RUNX2: variants seen among roughly 807,000 people sequenced by gnomAD.
RUNX2 encodes the protein runt-related transcription factor 2.
Under a neutral mutation model 51.7 loss-of-function variants are expected in RUNX2, and 10 were observed. The ratio of observed to expected loss-of-function variants is 0.19; its 90% CI spans 0.12 to 0.33. RUNX2 has a LOEUF of 0.33. Ranked by LOEUF, RUNX2 falls within the 10% of genes least tolerant of loss-of-function variation. The pLI is 1.00. For synonymous variants in RUNX2, 276 were observed against 273.6 expected, an observed-to-expected ratio of 1.01 and a Z score of -0.09; for missense variants, 562 against 691.3, an observed-to-expected ratio of 0.81 and a Z score of 2.10.
intron 6 of RUNX2, among the ~76,000 whole-genome samples, chr6:45,509,894 T>C (rs1801092136): frequency 6.6e-6 from 1 of 152,218 alleles, no homozygotes; most frequent in African/African-American, 2.4e-5. Context: ...CAGGAAGTCA[T>C]CTGGGGAAGT....
chr6:45,528,146 C>A (rs1028674397), intron 7 of RUNX2, among the ~76,000 whole-genome samples: 3 of 152,074 alleles, frequency 2.0e-5, no homozygotes, highest in Non-Finnish European at 4.4e-5. Flanking sequence ...ATGGAAGAGA[C>A]CCACCCCCAT....
chr6:45,516,708 T>G (rs1413661009), intron 7 of RUNX2, among the ~76,000 whole-genome samples: 1 of 152,248 alleles, frequency 6.6e-6, no homozygotes, highest in Admixed American at 6.5e-5. Context: ...AACCACTGCA[T>G]GTCTTTATAA....
chr6:45,436,575 G>T (rs1340882514), intron 4 of RUNX2, among the ~76,000 whole-genome samples: 1 of 151,856 alleles, frequency 6.6e-6, no homozygotes, highest in East Asian at 1.9e-4. Context: ...TTTTCCCCTT[G>T]GCTATAGAAA....
intron 2 of RUNX2, among the ~76,000 whole-genome samples, chr6:45,358,861 T>C (rs927704327): frequency 2.6e-5 from 4 of 152,136 alleles, no homozygotes; most frequent in African/African-American, 9.7e-5. Flanking sequence ...ATATATCAAT[T>C]ACAGCATGGA....
intron 2 of RUNX2, among the ~76,000 whole-genome samples, chr6:45,400,999 GTA>G (rs1403749395): frequency 6.6e-6 from 1 of 152,130 alleles, no homozygotes; most frequent in African/African-American, 2.4e-5. Flanking sequence ...TAGGTGGTAA[GTA>G]TATGAGTGTT....
intron 2 of RUNX2, among the ~76,000 whole-genome samples, chr6:45,343,689 C>A (rs747972018): frequency 3.9e-5 from 6 of 152,144 alleles, no homozygotes; most frequent in Non-Finnish European, 7.4e-5. Flanking sequence ...TGATGTCTCA[C>A]CACAAGCTTG....
chr6:45,427,393 C>G, intron 3 of RUNX2, among the ~76,000 whole-genome samples: 1 of 152,064 alleles, frequency 6.6e-6, no homozygotes, highest in Middle Eastern at 3.4e-3. Context: ...TTATCTTTGA[C>G]ATATATATTT....
chr6:45,550,266 AG>A lies in RUNX2; in HGVS notation c.*2962del, dbSNP rs1440146152. On this transcript the variant is annotated 3_prime_UTR_variant, in exon 9 of 9. Coordinates refer to ENST00000647337, the MANE Select transcript of RUNX2 (RefSeq NM_001024630.4). Reference sequence around the variant, plus strand: ...GAACAGGTACCACAGCTTTGGTTTTAGATTAGTGGAATAACATTCAGCCCAG... The same window carrying A: ...GAACAGGTACCACAGCTTTGGTTTTAATTAGTGGAATAACATTCAGCCCAG... The A allele has an allele frequency of 1.3e-5, 2 of 152,474 alleles. No homozygotes were observed. The highest frequency in any genetic ancestry group is 2.9e-5 in the Non-Finnish European group (2 of 68,036). 9.4% of individuals were successfully genotyped at this position (152,474 alleles called of 1,614,324 possible).
chr6:45,346,396 T>C (rs1431573933), intron 2 of RUNX2, among the ~76,000 whole-genome samples: 1 of 152,078 alleles, frequency 6.6e-6, no homozygotes, highest in Non-Finnish European at 1.5e-5. Context: ...CATGCCCTCC[T>C]GAGCAGCCCC....
chr6:45,502,304 TC>T (rs913482415), intron 6 of RUNX2, among the ~76,000 whole-genome samples: 55 of 152,204 alleles, frequency 3.6e-4, no homozygotes, highest in Admixed American at 1.3e-4. Context: ...TGTAAGATCA[TC>T]CTTTTTGATA....
intron 2 of RUNX2, among the ~76,000 whole-genome samples, chr6:45,355,050 C>CT (rs1256921669): frequency 3.3e-5 from 5 of 151,956 alleles, no homozygotes; most frequent in African/African-American, 9.7e-5. Flanking sequence ...TCACAGGTCA[C>CT]TGCAGACTCA....
intron 7 of RUNX2, among the ~76,000 whole-genome samples, chr6:45,538,179 G>T (rs530357313): frequency 6.6e-6 from 1 of 152,092 alleles, no homozygotes. Flanking sequence ...TACCACTAGC[G>T]CAGGCCACAG....
intron 2 of RUNX2, among the ~76,000 whole-genome samples, chr6:45,403,094 A>G (rs1797750013): frequency 6.6e-6 from 1 of 152,218 alleles, no homozygotes; most frequent in Non-Finnish European, 1.5e-5. Flanking sequence ...CAACAACCTT[A>G]TAATAAAGAT....
intron 5 of RUNX2, among the ~76,000 whole-genome samples, chr6:45,461,430 A>G (rs1458903373): frequency 6.6e-6 from 1 of 152,224 alleles, no homozygotes; most frequent in Non-Finnish European, 1.5e-5. Context: ...AGGGATGTAT[A>G]GAGGCAAAGA....
In RUNX2 at chr6:45,547,330, T is replaced by C; in HGVS notation, c.*25T>C. 2 of 1,549,278 alleles carry C rather than the reference T, an allele frequency of 1.3e-6. No homozygotes were observed. Among genetic ancestry groups the C allele is most frequent in the Middle Eastern group, 1.8e-4 (1 of 5,548 alleles). Reference sequence around the variant, plus strand: ...AAATTCCTCAGCAGTGGCCCAGTGGTATCTGGGGGCCACATCCCACACGTA... The same window carrying C: ...AAATTCCTCAGCAGTGGCCCAGTGGCATCTGGGGGCCACATCCCACACGTA... On this transcript the variant is annotated 3_prime_UTR_variant, in exon 9 of 9. Transcript: ENST00000647337.
intron 7 of RUNX2, among the ~76,000 whole-genome samples, chr6:45,539,820 T>C (rs996513796): frequency 6.6e-6 from 1 of 152,228 alleles, no homozygotes; most frequent in African/African-American, 2.4e-5. Context: ...AATATGTGGT[T>C]CTTCCTCTTC....
chr6:45,476,006 T>C (rs951133300), intron 5 of RUNX2, among the ~76,000 whole-genome samples: 2 of 152,226 alleles, frequency 1.3e-5, no homozygotes, highest in Admixed American at 6.5e-5. Context: ...CAGGCCAACT[T>C]GGTGGCTCAG....
chr6:45,456,430 C>T (rs1323040336), intron 5 of RUNX2, among the ~76,000 whole-genome samples: 3 of 152,138 alleles, frequency 2.0e-5, no homozygotes, highest in African/African-American at 7.2e-5. Context: ...AACATTACAG[C>T]CCACTGCATT....
At chr6:45,531,093 C>T (rs1323538559) in intron 7 of RUNX2, among the ~76,000 whole-genome samples, 1 of 152,172 alleles carries the variant, frequency 6.6e-6, no homozygotes, top group Non-Finnish European at 1.5e-5. Context: ...TCAGGGTCAT[C>T]AAGTGAAAGG....
Sources: gnomAD v4.1 joint callset for allele counts (sites outside exome capture counted in the v4.1 genomes callset) on GRCh38, gnomAD v4.1.1 for gene constraint, MANE v1.5 for transcripts, NCBI Gene and HGNC (gene_info 2026-07-23, HGNC 2026-07-21) for gene names.